SPTAN1: variants seen among roughly 807,000 people sequenced by gnomAD.
SPTAN1 encodes the protein spectrin alpha chain, non-erythrocytic 1.
Under a neutral mutation model 331.3 loss-of-function variants are expected in SPTAN1, and 61 were observed. The ratio of observed to expected loss-of-function variants is 0.18; its 90% CI spans 0.15 to 0.23. The LOEUF (loss-of-function observed/expected upper bound fraction) is 0.23. Among genes scored for constraint, SPTAN1 ranks in the 10% least tolerant of loss-of-function variants. SPTAN1 has a pLI of 1.00. For synonymous variants in SPTAN1, 1,153 were observed against 1,173.9 expected (o/e 0.98, Z 0.36); for missense variants, 2,043 against 3,147.9 (o/e 0.65, Z 8.40).
rs1321091486 is a variant in SPTAN1, at chr9:128,552,637, C to T, written c.-63C>T. 2 of 151,518 alleles carry T rather than the reference C, an allele frequency of 1.3e-5. No homozygotes were observed. Among genetic ancestry groups the T allele is most frequent in the African/African-American group, 4.8e-5 (2 of 41,332 alleles). The allele number at this position is 151,518 out of a possible 1,614,324, so 9.4% of individuals were successfully genotyped here. A position where few individuals can be genotyped will look rare whatever the true frequency, so the allele number is the denominator to read the frequency against. On this transcript the variant is annotated 5_prime_UTR_variant, in exon 1 of 57. Transcript: ENST00000372739. This position sits in a 1 kb window ranked among gnomAD's most constrained non-coding sequence, Gnocchi z 4.6. ...GTGTGGAGCGGAGGCCGCGGAGGCT[C>T]CTCGGTCCTTCAGCACCCCTCGGCC... is the stretch of plus-strand genomic sequence containing the variant.
intron 52 of SPTAN1, among the ~76,000 whole-genome samples, chr9:128,630,889 G>C (rs1859609902): frequency 6.6e-6 from 1 of 152,124 alleles, no homozygotes; most frequent in African/African-American, 2.4e-5. Flanking sequence ...ATTTTTAGTA[G>C]AGACAGGGTT....
In SPTAN1 at chr9:128,625,098, T is replaced by C. The variant is rs1387321517; in HGVS notation, c.5993-5T>C. The C allele has an allele frequency of 1.2e-6, 2 of 1,614,000 alleles. No homozygotes were observed. Among genetic ancestry groups the C allele is most frequent in the Non-Finnish European group, 1.7e-6 (2 of 1,180,012 alleles). On this transcript the variant is annotated splice_polypyrimidine_tract_variant and splice_region_variant and intron_variant, in intron 46 of 56. Coordinates refer to ENST00000372739, the MANE Select transcript of SPTAN1 (RefSeq NM_001130438.3). This position sits in a 1 kb window ranked among gnomAD's most constrained non-coding sequence, Gnocchi z 4.1. The stretch of plus-strand genomic sequence containing the variant: ...GCAGTATATTTTCCACACTTCGTTT[T>C]CTAGGTGAAAAGGAGAACAGCTTGA...
Position 128,577,524 on chromosome 9 carries a change from G to C in SPTAN1, c.1085+18G>C, listed in dbSNP as rs747590672. Reference sequence around the variant, plus strand: ...TCATACAGGTGCAAATAATGCTCCAGGTCTTAACCAGTATCATTTGGCTTC... The same window carrying C: ...TCATACAGGTGCAAATAATGCTCCACGTCTTAACCAGTATCATTTGGCTTC... On this transcript the variant is annotated intron_variant, in intron 8 of 56. Coordinates refer to ENST00000372739, the MANE Select transcript of SPTAN1 (RefSeq NM_001130438.3). The surrounding 1 kb of genome is among the most constrained non-coding windows in gnomAD (Gnocchi z 4.2). 1 of 1,612,852 alleles carries C rather than the reference G, an allele frequency of 6.2e-7. No homozygotes were observed. The highest frequency in any genetic ancestry group is 1.3e-5 in the African/African-American group (1 of 74,898).
intron 51 of SPTAN1, chr9:128,628,292 T>C: frequency 2.3e-6 from 1 of 428,216 alleles, no homozygotes; most frequent in Non-Finnish European, 4.5e-6. Context: ...TCTGTTGGGC[T>C]CTCACCTCTG....
chr9:128,628,556 G>A lies in SPTAN1; in HGVS notation c.6707+614G>A, dbSNP rs185363868. 25 of 217,768 alleles carry A rather than the reference G, an allele frequency of 1.1e-4. No homozygotes were observed. The East Asian group carries it at 3.0e-3, about 26-fold the overall frequency. The allele number at this position is 217,768 out of a possible 1,614,324, so 13.5% of individuals were successfully genotyped here. A position where few individuals can be genotyped will look rare whatever the true frequency, so the allele number is the denominator to read the frequency against. ...CCCCAGGGAGGAGCAGGGCTGGGCT[G>A]TCCCGCCCAGTCCCGGCAGGGACTT... On this transcript the variant is annotated intron_variant, in intron 51 of 56. Transcript: ENST00000372739.
chr9:128,578,321 G>T, intron 9 of SPTAN1, 76 bp downstream of exon 9: 4 of 1,580,102 alleles, frequency 2.5e-6, no homozygotes, highest in Non-Finnish European at 3.5e-6. Flanking sequence ...GTTGGGTGAG[G>T]CCTATAGTCG....
At chr9:128,585,405 C>G (rs1324455129) in intron 18 of SPTAN1, among the ~76,000 whole-genome samples, 5 of 151,958 alleles carry the variant, frequency 3.3e-5, no homozygotes, top group African/African-American at 4.8e-5. Context: ...TAAGTGAAAC[C>G]AAGTAGGAAA....
At chr9:128,555,349 A>G in intron 1 of SPTAN1, 1 of 1,288,494 alleles carries the variant, frequency 7.8e-7, no homozygotes, top group Non-Finnish European at 1.0e-6. Flanking sequence ...CCCTCTTTAG[A>G]CTCCACATTC....
At chr9:128,592,836 G>T in intron 22 of SPTAN1, 147 bp from the exon 23 acceptor site, 1 of 756,776 alleles carries the variant, frequency 1.3e-6, no homozygotes, top group South Asian at 1.5e-5. Context: ...TCATGACTTA[G>T]ACTGCTCCTT....
At chr9:128,556,120 C>G (rs1848612946) in intron 1 of SPTAN1, among the ~76,000 whole-genome samples, 1 of 151,980 alleles carries the variant, frequency 6.6e-6, no homozygotes, top group African/African-American at 2.4e-5. Context: ...ACTTGGGAAG[C>G]TGAGGCAGGA....
intron 39 of SPTAN1, 71 bp from the exon 40 acceptor site, chr9:128,613,310 C>A: frequency 6.8e-6 from 9 of 1,320,814 alleles, no homozygotes; most frequent in Non-Finnish European, 9.8e-6. Flanking sequence ...AGCCACTGGG[C>A]AACCTGAATT....
intron 1 of SPTAN1, among the ~76,000 whole-genome samples, chr9:128,554,381 G>T (rs560598487): frequency 6.6e-6 from 1 of 152,366 alleles, no homozygotes; most frequent in East Asian, 1.9e-4. Flanking sequence ...ACAGGCTGCA[G>T]TGTAAGCCTG....
intron 16 of SPTAN1, 142 bp from the exon 17 acceptor site, chr9:128,584,140 A>G: frequency 6.8e-7 from 1 of 1,472,242 alleles, no homozygotes. Context: ...CATCCCTTAG[A>G]GCTTTCTAGG....
At chr9:128,593,557 A>G in intron 23 of SPTAN1, 1 of 199,520 alleles carries the variant, frequency 5.0e-6, no homozygotes, top group East Asian at 1.2e-4. Flanking sequence ...GGGTTAGAAT[A>G]TTCTTTGATT....
intron 3 of SPTAN1, among the ~76,000 whole-genome samples, chr9:128,570,851 G>T (rs1253999844): frequency 1.3e-5 from 2 of 152,068 alleles, no homozygotes; most frequent in African/African-American, 4.8e-5. Context: ...AGTAGAGACA[G>T]GGTTTCTCCA....
intron 23 of SPTAN1, chr9:128,593,926 G>C: frequency 1.9e-6 from 1 of 516,298 alleles, no homozygotes; most frequent in Non-Finnish European, 3.6e-6. Flanking sequence ...AATCGGCCTG[G>C]GGATAAGTGT....
At chr9:128,633,123 A>T in intron 56 of SPTAN1, 86 bp from the exon 57 acceptor site, 2 of 1,606,104 alleles carry the variant, frequency 1.2e-6, no homozygotes, top group Non-Finnish European at 1.7e-6. Context: ...AGCAGCTCCG[A>T]GCCCCCAGCA....
intron 10 of SPTAN1, among the ~76,000 whole-genome samples, chr9:128,580,294 A>C (rs1028674407): frequency 1.3e-5 from 2 of 151,102 alleles, no homozygotes; most frequent in African/African-American, 4.9e-5. Flanking sequence ...AAAAAAATAA[A>C]TAAATAAAAA....
intron 24 of SPTAN1, among the ~76,000 whole-genome samples, chr9:128,595,733 G>A (rs928460401): frequency 6.6e-6 from 1 of 152,106 alleles, no homozygotes; most frequent in African/African-American, 2.4e-5. Context: ...AGTGGCCCAC[G>A]CAGCCACTCA....
Sources: gnomAD v4.1 joint callset for allele counts (sites outside exome capture counted in the v4.1 genomes callset) on GRCh38, gnomAD v4.1.1 for gene constraint, Gnocchi (gnomAD v3.1) non-coding constraint, MANE v1.5 for transcripts, NCBI Gene and HGNC (gene_info 2026-07-23, HGNC 2026-07-21) for gene names.